The following SRGAP3 variants were observed in gnomAD, a reference collection of about 807,000 sequenced individuals.
The protein encoded by SRGAP3 is SLIT-ROBO Rho GTPase activating protein 3.
A neutral mutation model predicts 121.1 loss-of-function variants in SRGAP3; 39 were observed. The ratio of observed to expected loss-of-function variants is 0.32; its 90% CI spans 0.25 to 0.42. The LOEUF (loss-of-function observed/expected upper bound fraction) is 0.42, where lower values mean the gene tolerates loss of function less well. SRGAP3 is among the 10% of genes least tolerant of loss of function. SRGAP3 has a pLI of 1.00. For missense variants in SRGAP3, 1,213 were observed against 1,470.6 expected (o/e 0.82, Z 2.86); for synonymous variants, 601 against 570.0 (o/e 1.05, Z -0.77).
At chr3:9,324,914 G>A (rs1282342414) in intron 3 of SRGAP3, among the ~76,000 whole-genome samples, 5 of 150,916 alleles carry the variant, frequency 3.3e-5, no homozygotes, top group African/African-American at 4.9e-5. Context: ...CCGAGATCGC[G>A]CCACTGCACT....
intron 18 of SRGAP3, among the ~76,000 whole-genome samples, chr3:9,009,592 C>T (rs2908): frequency 0.19 from 28,873 of 152,124 alleles, 3,131 homozygotes; most frequent in Non-Finnish European, 0.24. Flanking sequence ...TGGCACTATG[C>T]CTACTCTGCC....
rs73126643 is a variant in SRGAP3, at chr3:9,347,580, G to T, written n.214+15260C>A. On this transcript the variant is annotated intron_variant and non_coding_transcript_variant, in intron 1 of 3. Transcript: ENST00000490889. ...CAAGCTACTCAGCCACTGACCTGCA[G>T]ATTCATACTCTTTATTAGAATATGA... Among the ~76,000 whole-genome samples the T allele has an allele frequency of 2.3e-3, 353 of 152,272 alleles. 1 individual carries two copies. Among genetic ancestry groups the T allele is most frequent in the African/African-American group, 8.3e-3 (343 of 41,556 alleles).
chr3:9,327,044 A>C (rs1955532579), intron 2 of SRGAP3, among the ~76,000 whole-genome samples: 1 of 151,842 alleles, frequency 6.6e-6, no homozygotes, highest in Non-Finnish European at 1.5e-5. Flanking sequence ...TTAATATTAC[A>C]TAAAAATCAT....
At chr3:9,161,906 A>G (rs1002378487) in intron 1 of SRGAP3, among the ~76,000 whole-genome samples, 2 of 152,078 alleles carry the variant, frequency 1.3e-5, no homozygotes, top group South Asian at 4.1e-4. Flanking sequence ...GCCAAAAGGT[A>G]GAAGCAATCC....
intron 19 of SRGAP3, 108 bp downstream of exon 19, chr3:8,994,235 C>T: frequency 7.1e-7 from 1 of 1,414,270 alleles, no homozygotes; most frequent in South Asian, 1.2e-5. Flanking sequence ...CGTATGATAT[C>T]AAGGAGAGCA....
chr3:9,088,430 G>A (rs1311982557), intron 3 of SRGAP3, among the ~76,000 whole-genome samples: 1 of 152,180 alleles, frequency 6.6e-6, no homozygotes, highest in African/African-American at 2.4e-5. Flanking sequence ...GCCCTGCCTG[G>A]TTCCTTTGCC....
At chr3:9,037,859 C>A in intron 11 of SRGAP3, 1 of 669,158 alleles carries the variant, frequency 1.5e-6, no homozygotes, top group East Asian at 2.7e-5. Flanking sequence ...CATCGCCAGC[C>A]TGGAGGGGCG....
rs1941627117 is a variant in SRGAP3 at position 8,985,396 on chromosome 3, C to T, written c.*123G>A. On this transcript the variant is annotated 3_prime_UTR_variant, in exon 22 of 22. Transcript: ENST00000383836. This position sits in a 1 kb window ranked among gnomAD's most constrained non-coding sequence, Gnocchi z 5.1. ...CGGGCCTCAGCTCTGCACAGACACA[C>T]CCTCCCAGACGGACCTCTGCCCTCC... 3 of 1,496,436 alleles carry T rather than the reference C, an allele frequency of 2.0e-6. No individual in the cohort carries two copies. Among genetic ancestry groups the T allele is most frequent in the Non-Finnish European group, 2.7e-6 (3 of 1,128,694 alleles). 92.7% of individuals were successfully genotyped at this position (1,496,436 alleles called of 1,614,324 possible). A position where few individuals can be genotyped will look rare whatever the true frequency, so the allele number is the denominator to read the frequency against.
At chr3:9,174,839 G>C (rs1363189189) in intron 1 of SRGAP3, among the ~76,000 whole-genome samples, 2 of 152,200 alleles carry the variant, frequency 1.3e-5, no homozygotes, top group Admixed American at 6.5e-5. Flanking sequence ...TGACAGAGGA[G>C]GAAACTGAGG....
In SRGAP3 at chr3:9,247,626, G is replaced by A. The variant is rs113342128; in HGVS notation, c.67+1259C>T. On this transcript the variant is annotated intron_variant, in intron 1 of 21. Coordinates refer to ENST00000383836, the MANE Select transcript of SRGAP3 (RefSeq NM_014850.4). ...TCATTGGGTCTTCAGTTGCAGCAGC[G>A]CCCAGAAGCAGGTGTGGCAACCTCA... 1.5e-3 allele frequency among the ~76,000 whole-genome samples: 230 copies of A among 152,274 alleles called. 1 individual carries two copies. The highest frequency in any genetic ancestry group is 2.9e-3 in the Non-Finnish European group (196 of 68,026).
Position 9,270,303 on chromosome 3 carries a change from C to A in SRGAP3, n.442+55707G>T, listed in dbSNP as rs113792307. The stretch of plus-strand genomic sequence containing the variant: ...ATGGAAAGAAAAAAGTCAATCTTTA[C>A]ATATATGTGTATCAAAAGAGTCAAT... On this transcript the variant is annotated intron_variant and non_coding_transcript_variant, in intron 3 of 3. Transcript: ENST00000490889. Among the ~76,000 whole-genome samples, 8 of 152,228 alleles carry A rather than the reference C, an allele frequency of 5.3e-5. 1 individual carries two copies. Among genetic ancestry groups the A allele is most frequent in the African/African-American group, 1.9e-4 (8 of 41,540 alleles).
intron 1 of SRGAP3, among the ~76,000 whole-genome samples, chr3:9,167,586 G>A (rs1188400897): frequency 6.6e-6 from 1 of 152,136 alleles, no homozygotes; most frequent in Non-Finnish European, 1.5e-5. Context: ...AGGAAGTTGG[G>A]ACCGCATTCC....
At chr3:9,086,634 C>T (rs1434556864) in intron 3 of SRGAP3, among the ~76,000 whole-genome samples, 1 of 135,814 alleles carries the variant, frequency 7.4e-6, no homozygotes, top group Non-Finnish European at 1.6e-5. Context: ...CACATATATA[C>T]ACCCACATAT....
intron 4 of SRGAP3, among the ~76,000 whole-genome samples, chr3:9,065,141 C>T (rs1419030102): frequency 6.6e-6 from 1 of 152,162 alleles, no homozygotes; most frequent in Non-Finnish European, 1.5e-5. Context: ...CTGCAAATGG[C>T]TCTGTACCCA....
At chr3:9,286,648 G>A (rs148629461) in intron 3 of SRGAP3, among the ~76,000 whole-genome samples, 20,754 of 150,092 alleles carry the variant, frequency 0.14, 1,758 homozygotes, top group South Asian at 0.18. Flanking sequence ...TGTCGCCCAG[G>A]CTGGAGTGCA....
chr3:8,998,798 T>C (rs1174975516), intron 18 of SRGAP3, among the ~76,000 whole-genome samples: 1 of 152,160 alleles, frequency 6.6e-6, no homozygotes, highest in Non-Finnish European at 1.5e-5. Context: ...GGTGTTCTAC[T>C]TACATTATCA....
intron 3 of SRGAP3, among the ~76,000 whole-genome samples, chr3:9,257,856 G>A (rs983456408): frequency 3.3e-5 from 5 of 151,552 alleles, no homozygotes; most frequent in East Asian, 1.9e-4. Flanking sequence ...AGGCACCCAC[G>A]ACCGCGCCTG....
At chr3:9,243,460 C>T (rs903395011) in intron 1 of SRGAP3, among the ~76,000 whole-genome samples, 43 of 151,966 alleles carry the variant, frequency 2.8e-4, no homozygotes, top group African/African-American at 9.7e-4. Flanking sequence ...CATGGTGAAA[C>T]CCCGTCTCTA....
chr3:8,998,408 G>A (rs378291), intron 18 of SRGAP3, among the ~76,000 whole-genome samples: 95,916 of 152,068 alleles, frequency 0.63, 31,938 homozygotes, highest in African/African-American at 0.86. Flanking sequence ...GCTCCCAACT[G>A]CAAGAGCCCC....
Sources: allele counts gnomAD v4.1 joint callset (sites outside exome capture counted in the v4.1 genomes callset), GRCh38; gene constraint gnomAD v4.1.1; non-coding constraint Gnocchi (gnomAD v3.1); transcripts MANE v1.5; gene names NCBI Gene and HGNC (gene_info 2026-07-23, HGNC 2026-07-21).